TLR5: variants seen among roughly 807,000 people sequenced by gnomAD.
TLR5 encodes toll like receptor 5, also known as toll-like receptor 5.
For synonymous variants in TLR5, 373 were observed against 384.4 expected (o/e 0.97, Z 0.35); for missense variants, 944 against 999.8 (o/e 0.94, Z 0.75).
chr1:223,131,594 C>T lies in TLR5; in HGVS notation c.-5+881G>A, dbSNP rs998688485. ...GTTTTTTTGTTTTGCGGCAAGATCT[C>T]GCTCTGTTACCCAGGCTAGAGTGCA... On this transcript the variant is annotated intron_variant, in intron 5 of 5. Transcript: ENST00000642603. This position sits in a 1 kb window ranked among gnomAD's most constrained non-coding sequence, Gnocchi z 4.2. 2.6e-5 allele frequency among the ~76,000 whole-genome samples: 4 copies of T among 152,164 alleles called. No homozygotes were observed. Among genetic ancestry groups the T allele is most frequent in the African/African-American group, 4.8e-5 (2 of 41,438 alleles).
At chr1:223,139,098 T>G (rs1657737678) in intron 2 of TLR5, among the ~76,000 whole-genome samples, 5 of 152,264 alleles carry the variant, frequency 3.3e-5, no homozygotes, top group Admixed American at 3.3e-4. Flanking sequence ...TCAATTAAAC[T>G]TCTTTCCTTT....
intron 5 of TLR5, among the ~76,000 whole-genome samples, chr1:223,120,578 G>T (rs780835417): frequency 6.6e-6 from 1 of 152,206 alleles, no homozygotes; most frequent in Non-Finnish European, 1.5e-5. Flanking sequence ...ATTTGGCTTG[G>T]AATAAACTCT....
Position 223,111,484 on chromosome 1 carries a change from G to A in TLR5, c.1548C>T (p.Ser516=), listed in dbSNP as rs775583348. The part of the protein sequence containing the change: ...VLYLNHNYLN[S]LPPGVFSHLT... ...GATGGCTAAATACTCCTGGTGGAAG[G>A]GAATTAAGATAGTTATGATTCAAAT... Residue 516 remains serine (S), a synonymous_variant, in exon 6 of 6, where the codon TCC becomes TCT. Coordinates refer to ENST00000642603, the MANE Select transcript of TLR5 (RefSeq NM_003268.6). 1.2e-6 allele frequency: 2 copies of A among 1,614,086 alleles called. No individual in the cohort carries two copies. Among genetic ancestry groups the A allele is most frequent in the Non-Finnish European group, 1.7e-6 (2 of 1,180,020 alleles).
intron 3 of TLR5, among the ~76,000 whole-genome samples, chr1:223,135,917 T>C (rs966680077): frequency 6.6e-6 from 1 of 152,088 alleles, no homozygotes; most frequent in Non-Finnish European, 1.5e-5. Context: ...GATTTGACTT[T>C]TTTTTCCCCC....
chr1:223,125,044 C>A (rs1293126980), intron 5 of TLR5, among the ~76,000 whole-genome samples: 6 of 152,184 alleles, frequency 3.9e-5, no homozygotes, highest in Non-Finnish European at 7.3e-5. Flanking sequence ...TTTGTGTATT[C>A]TTTTGTGTTT....
At position 223,110,169 on chromosome 1, in the gene TLR5, A is replaced by G; in HGVS notation, c.*286T>C. The G allele has an allele frequency of 4.5e-6, 2 of 441,612 alleles. No individual in the cohort carries two copies. The highest frequency in any genetic ancestry group is 8.1e-6 in the Non-Finnish European group (2 of 245,628). 27.4% of individuals were successfully genotyped at this position (441,612 alleles called of 1,614,324 possible). A position where few individuals can be genotyped will look rare whatever the true frequency, so the allele number is the denominator to read the frequency against. On this transcript the variant is annotated 3_prime_UTR_variant, in exon 6 of 6. Coordinates refer to ENST00000642603, the MANE Select transcript of TLR5 (RefSeq NM_003268.6). ...CCTTCCCATGATTAGGATACATTCC[A>G]TAATCAACACAGCAGGACAGAACGG... is the stretch of plus-strand genomic sequence containing the variant.
At chr1:223,133,082 T>C (rs982007311) in intron 4 of TLR5, among the ~76,000 whole-genome samples, 3 of 152,184 alleles carry the variant, frequency 2.0e-5, no homozygotes, top group African/African-American at 7.2e-5. Flanking sequence ...GTGAGACATT[T>C]CTAAGCGGTA....
chr1:223,133,909 G>C (rs1657499093), intron 4 of TLR5, among the ~76,000 whole-genome samples: 3 of 152,212 alleles, frequency 2.0e-5, no homozygotes, highest in Non-Finnish European at 4.4e-5. Flanking sequence ...AGAGTCGAGC[G>C]GGGCGCGGGG....
chr1:223,128,536 A>G (rs188005028), intron 5 of TLR5: 1 of 152,206 alleles, frequency 6.6e-6, no homozygotes, highest in Non-Finnish European at 1.5e-5. Context: ...CAATGGAACA[A>G]TGTGGGAGTG....
At chr1:223,123,774 G>C (rs1430192338) in intron 5 of TLR5, 1 of 152,256 alleles carries the variant, frequency 6.6e-6, no homozygotes, top group African/African-American at 2.4e-5. Context: ...AGGAGAACCA[G>C]GCTGTGAAGT....
chr1:223,111,335 T>A lies in TLR5; in HGVS notation c.1697A>T (p.Asp566Val). The stretch of plus-strand genomic sequence containing the variant: ...CAAGACACTAAGTGATACAAATACA[T>A]CAGGATTAGGAGCTAGGAGCTGGTT... The part of the protein sequence containing the change: ...SRNQLLAPNP[D>V]VFVSLSVLDI... The change falls in exon 6 of 6, where the codon GAT (aspartate) becomes GTT (valine). Residue 566 changes from aspartate (D) to valine (V), a missense_variant. Coordinates refer to ENST00000642603, the MANE Select transcript of TLR5 (RefSeq NM_003268.6). The A allele has an allele frequency of 6.2e-7, 1 of 1,614,122 alleles. No homozygotes were observed. Among genetic ancestry groups the A allele is most frequent in the Non-Finnish European group, 8.5e-7 (1 of 1,180,024 alleles).
Position 223,110,518 on chromosome 1 carries a change from C to G in TLR5, c.2514G>C (p.Lys838Asn). The G allele has an allele frequency of 1.2e-6, 2 of 1,613,916 alleles. No homozygotes were observed. The highest frequency in any genetic ancestry group is 1.7e-4 in the Middle Eastern group (1 of 6,060). ...TGTCTTTCTTCTTTTCTTTTTCTTTCTTTAGTATCTGTTGAGAGAGTTTAT... is the reference window on the plus strand; with the variant it reads ...TGTCTTTCTTCTTTTCTTTTTCTTTGTTTAGTATCTGTTGAGAGAGTTTAT... ...FLHKLSQQIL[K>N]KEKEKKKDNN... is the part of the protein sequence containing the mutation. Residue 838 changes from lysine (K) to asparagine (N), a missense_variant, in exon 6 of 6, where the codon AAG becomes AAC. By Grantham distance (94) the Lys-to-Asn change is moderately conservative. Transcript: ENST00000642603.
intron 3 of TLR5, among the ~76,000 whole-genome samples, chr1:223,136,167 A>G (rs561143735): frequency 1.3e-4 from 20 of 152,340 alleles, no homozygotes; most frequent in African/African-American, 3.6e-4. Flanking sequence ...ACAGGAAGAC[A>G]GGAAGGGAAA....
At chr1:223,140,591 T>C (rs1657800039) in intron 2 of TLR5, among the ~76,000 whole-genome samples, 1 of 149,432 alleles carries the variant, frequency 6.7e-6, no homozygotes, top group Admixed American at 6.7e-5. Context: ...AAGAAGGGCA[T>C]CATGGCTGGG....
At chr1:223,118,339 G>T (rs1656780104) in intron 5 of TLR5, among the ~76,000 whole-genome samples, 1 of 152,012 alleles carries the variant, frequency 6.6e-6, no homozygotes, top group African/African-American at 2.4e-5. Context: ...TTGAGGTCAG[G>T]GGTTGGAGAC....
intron 5 of TLR5, among the ~76,000 whole-genome samples, chr1:223,114,009 T>A (rs1182878149): frequency 6.6e-6 from 1 of 152,194 alleles, no homozygotes; most frequent in Non-Finnish European, 1.5e-5. Flanking sequence ...CCACACACAG[T>A]CCATCCCATC....
rs907320513 is a variant in TLR5 at position 223,112,964 on chromosome 1, G to A, written c.68C>T (p.Ser23Phe). 13 of 1,614,174 alleles carry A rather than the reference G, an allele frequency of 8.1e-6. No individual in the cohort carries two copies. The highest frequency in any genetic ancestry group is 1.1e-5 in the Non-Finnish European group (13 of 1,180,022). The change falls in exon 6 of 6, where the codon TCC becomes TTC. Residue 23 changes from serine (S) to phenylalanine (F), a missense_variant. Coordinates refer to ENST00000642603, the MANE Select transcript of TLR5 (RefSeq NM_003268.6). ...LMAGPVFGIP[S>F]CSFDGRIAFY... ...GGCTATTCGGCCATCAAAGGAGCAG[G>A]AAGGAATTCCAAACACAGGACCGGC...
At chr1:223,124,995 C>T (rs1004962170) in intron 5 of TLR5, among the ~76,000 whole-genome samples, 2 of 152,154 alleles carry the variant, frequency 1.3e-5, no homozygotes, top group African/African-American at 4.8e-5. Context: ...TCAAATCACA[C>T]ATGGAGAATG....
intron 5 of TLR5, among the ~76,000 whole-genome samples, chr1:223,114,158 C>T (rs939085359): frequency 6.6e-6 from 1 of 152,202 alleles, no homozygotes; most frequent in Non-Finnish European, 1.5e-5. Flanking sequence ...GACTGGCCCA[C>T]TTGCTTAAGT....
Sources: gnomAD v4.1 joint callset for allele counts (sites outside exome capture counted in the v4.1 genomes callset) on GRCh38, gnomAD v4.1.1 for gene constraint, Gnocchi (gnomAD v3.1) non-coding constraint, MANE v1.5 for transcripts, NCBI Gene and HGNC (gene_info 2026-07-23, HGNC 2026-07-21) for gene names.